The following BRSK2 variants were observed in gnomAD, a reference collection of about 807,000 sequenced individuals.
BRSK2 encodes the protein serine/threonine-protein kinase BRSK2.
A neutral mutation model predicts 83.3 loss-of-function variants in BRSK2; 19 were observed. That is an observed-to-expected ratio of 0.23 (90% CI 0.16 to 0.33). The LOEUF (loss-of-function observed/expected upper bound fraction) is 0.33. BRSK2 is among the 10% of genes least tolerant of loss of function. The pLI, the probability that BRSK2 is intolerant of heterozygous loss-of-function variation, is 1.00. For synonymous variants in BRSK2, 519 were observed against 435.4 expected (o/e 1.19, Z -2.39); for missense variants, 798 against 1,042.3 (o/e 0.77, Z 3.23).
At chr11:1,408,853 G>A (rs116566738) in intron 1 of BRSK2, among the ~76,000 whole-genome samples, 138 of 151,436 alleles carry the variant, frequency 9.1e-4, no homozygotes, top group African/African-American at 3.1e-3. Flanking sequence ...TGGGGTGTGT[G>A]TGCATATCTG....
intron 12 of BRSK2, 96 bp downstream of exon 12, chr11:1,446,003 G>C: frequency 1.4e-6 from 2 of 1,451,442 alleles, no homozygotes; most frequent in African/African-American, 1.4e-5. Context: ...CTGGGGTCTC[G>C]GCTGAGGCCA....
At chr11:1,460,415 T>TCCTTC in intron 19 of BRSK2, 85 bp from the exon 20 acceptor site, 1 of 952,552 alleles carries the variant, frequency 1.0e-6, no homozygotes, top group South Asian at 2.1e-5. Context: ...TCTTTCTCTC[T>TCCTTC]CCTTCCCTCC....
At chr11:1,412,827 A>AGCAACCCCGCGTCCCAG (rs1465712406) in intron 1 of BRSK2, among the ~76,000 whole-genome samples, 4 of 152,046 alleles carry the variant, frequency 2.6e-5, no homozygotes, top group Admixed American at 6.5e-5. Context: ...GGCCGCACAC[A>AGCAACCCCGCGTCCCAG]GCAACCCCGC....
At chr11:1,434,124 G>A (rs548302477) in intron 1 of BRSK2, among the ~76,000 whole-genome samples, 40 of 152,386 alleles carry the variant, frequency 2.6e-4, no homozygotes, top group Admixed American at 6.5e-4. Context: ...CGTGCACCAG[G>A]ATAAAAACGA....
chr11:1,442,968 G>A, intron 5 of BRSK2, 138 bp from the exon 6 acceptor site: 1 of 1,032,612 alleles, frequency 9.7e-7, no homozygotes, highest in Non-Finnish European at 1.4e-6. Flanking sequence ...AAGCCCGCCT[G>A]GGGATGCAGG....
chr11:1,442,139 C>T (rs916138645), intron 4 of BRSK2, among the ~76,000 whole-genome samples: 3 of 151,432 alleles, frequency 2.0e-5, no homozygotes, highest in African/African-American at 7.3e-5. Context: ...TCTGGGAGCC[C>T]CTCGGCCTTT....
chr11:1,442,991 G>T (rs945859942), intron 5 of BRSK2, 115 bp from the exon 6 acceptor site: 38 of 1,222,074 alleles, frequency 3.1e-5, no homozygotes, highest in Non-Finnish European at 3.9e-5. Context: ...ATGTGGGGGC[G>T]TCTGGCACCA....
At chr11:1,421,518 G>A (rs1295682556) in intron 1 of BRSK2, among the ~76,000 whole-genome samples, 1 of 152,186 alleles carries the variant, frequency 6.6e-6, no homozygotes, top group African/African-American at 2.4e-5. Context: ...AATGCTTCAG[G>A]GTGGCACGAA....
intron 18 of BRSK2, among the ~76,000 whole-genome samples, chr11:1,457,675 C>A (rs1478350946): frequency 1.3e-5 from 2 of 152,126 alleles, no homozygotes; most frequent in African/African-American, 4.8e-5. Flanking sequence ...GCCTGCATCT[C>A]AGCAGCTCCG....
In BRSK2 at chr11:1,461,196, C is replaced by G. The variant is rs1465993749; in HGVS notation, c.*473C>G. On this transcript the variant is annotated 3_prime_UTR_variant, in exon 20 of 20. Coordinates refer to ENST00000528841, the MANE Select transcript of BRSK2 (RefSeq NM_001256627.2). ...TCCTCCAGCCCGGCCGACCCGGACT[C>G]CCGGTCACCTGACCCCTCAGCAAGA... 1.6e-5 allele frequency: 12 copies of G among 727,978 alleles called. No individual in the cohort carries two copies. The highest frequency in any genetic ancestry group is 2.2e-5 in the Non-Finnish European group (10 of 464,158). 45.1% of individuals were successfully genotyped at this position (727,978 alleles called of 1,614,324 possible).
chr11:1,434,465 G>A (rs546905814), intron 1 of BRSK2, among the ~76,000 whole-genome samples: 27 of 147,106 alleles, frequency 1.8e-4, no homozygotes, highest in African/African-American at 6.3e-4. Flanking sequence ...GGATCTGCGT[G>A]TCTGGGGGCA....
rs753229776 is a variant in BRSK2, at chr11:1,456,580, A to AC, written c.1850-13dup. On this transcript the variant is annotated splice_polypyrimidine_tract_variant and intron_variant, in intron 17 of 19. Coordinates refer to ENST00000528841, the MANE Select transcript of BRSK2 (RefSeq NM_001256627.2). ...CGGGCCCAGGCCCGTCCAGGGCATA[A>AC]CCCCCTGTCTCCCCTAGGCCCCAGC... The AC allele has an allele frequency of 3.7e-6, 6 of 1,608,870 alleles. No individual in the cohort carries two copies. In the South Asian group the frequency reaches 5.5e-5, roughly 15 times the overall value.
At chr11:1,407,287 G>A (rs373252787) in intron 1 of BRSK2, among the ~76,000 whole-genome samples, 1 of 152,124 alleles carries the variant, frequency 6.6e-6, no homozygotes, top group Admixed American at 6.5e-5. Flanking sequence ...CCTCTGCTGT[G>A]TCCACGACAG....
intron 1 of BRSK2, among the ~76,000 whole-genome samples, chr11:1,391,533 G>A (rs974592083): frequency 1.3e-5 from 2 of 152,228 alleles, no homozygotes; most frequent in African/African-American, 2.4e-5. Context: ...TTTAGACTGA[G>A]GGGTTCAGGG....
intron 18 of BRSK2, among the ~76,000 whole-genome samples, chr11:1,458,144 C>T (rs565327784): frequency 1.3e-5 from 2 of 152,186 alleles, no homozygotes; most frequent in South Asian, 4.1e-4. Context: ...CAAGCAGAAA[C>T]GGGCCCCGGG....
chr11:1,399,528 C>T (rs752036482), intron 1 of BRSK2, among the ~76,000 whole-genome samples: 5 of 152,122 alleles, frequency 3.3e-5, no homozygotes, highest in Non-Finnish European at 5.9e-5. Flanking sequence ...GAGCCGTGAG[C>T]CGTGATAGGG....
intron 15 of BRSK2, among the ~76,000 whole-genome samples, chr11:1,452,708 G>C (rs754568372): frequency 1.3e-5 from 2 of 148,802 alleles, no homozygotes; most frequent in African/African-American, 5.0e-5. Flanking sequence ...TGCGACAGCC[G>C]TTCCCGAGGG....
Position 1,390,776 on chromosome 11 carries a change from A to C in BRSK2, c.91+401A>C, listed in dbSNP as rs1446726515. On this transcript the variant is annotated intron_variant, in intron 1 of 19. Coordinates refer to ENST00000528841, the MANE Select transcript of BRSK2 (RefSeq NM_001256627.2). This position sits in a 1 kb window ranked among gnomAD's most constrained non-coding sequence, Gnocchi z 6.8. ...TGCCGTCTGCCGCGGCCGCGCTAAT[A>C]GGCGTGCTGCCCGAGCAGCTGCGCC... Among the ~76,000 whole-genome samples, 3 of 151,850 alleles carry C rather than the reference A, an allele frequency of 2.0e-5. No individual in the cohort carries two copies.
chr11:1,454,243 T>G lies in BRSK2; in HGVS notation c.1545-242T>G. On this transcript the variant is annotated intron_variant, in intron 15 of 19. Transcript: ENST00000528841. This position sits in a 1 kb window ranked among gnomAD's most constrained non-coding sequence, Gnocchi z 5.2. ...TGGCATATGGGCCAGGGTCAGGGCG[T>G]TAGGGCTTGGAGAAAGGTTAGGGTT... 2 of 415,292 alleles carry G rather than the reference T, an allele frequency of 4.8e-6. No individual in the cohort carries two copies. Among genetic ancestry groups the G allele is most frequent in the East Asian group, 4.9e-5 (1 of 20,540 alleles). The allele number at this position is 415,292 out of a possible 1,614,324, so 25.7% of individuals were successfully genotyped here. A position where few individuals can be genotyped will look rare whatever the true frequency, so the allele number is the denominator to read the frequency against.
Sources: allele counts gnomAD v4.1 joint callset (sites outside exome capture counted in the v4.1 genomes callset), GRCh38; gene constraint gnomAD v4.1.1; non-coding constraint Gnocchi (gnomAD v3.1); transcripts MANE v1.5; gene names NCBI Gene and HGNC (gene_info 2026-07-23, HGNC 2026-07-21).